OR4A16: variants seen among roughly 807,000 people sequenced by gnomAD.
OR4A16 encodes olfactory receptor 4A16.
For synonymous variants in OR4A16, 210 were observed against 138.6 expected, an observed-to-expected ratio of 1.51 and a Z score of -3.62; for missense variants, 594 against 390.9, an observed-to-expected ratio of 1.52 and a Z score of -4.38.
In OR4A16 at chr11:55,343,401, G is replaced by A. The variant is rs200261293; in HGVS notation, c.201G>A (p.Met67Ile). The change falls in exon 1 of 1, where the codon ATG (methionine) becomes ATA (isoleucine). Residue 67 changes from methionine (M) to isoleucine (I), a missense_variant. By Grantham distance (10) the Met-to-Ile change is conservative (BLOSUM62 1). Transcript: ENST00000314721. ...TCTTCCTTGCCTACTTGTCACTTATGGATGCCATATATTCCACTGCCATGT... is the reference window on the plus strand; with the variant it reads ...TCTTCCTTGCCTACTTGTCACTTATAGATGCCATATATTCCACTGCCATGT... ...MYFFLAYLSLMDAIYSTAMSP... is the reference protein window; with the variant it reads ...MYFFLAYLSLIDAIYSTAMSP... 0.012 allele frequency: 18,083 copies of A among 1,546,162 alleles called. No individual in the cohort carries two copies. The highest frequency in any genetic ancestry group is 0.034 in the African/African-American group (2,446 of 72,520).
Position 55,343,874 on chromosome 11 carries a change from C to T in OR4A16, c.674C>T (p.Thr225Ile), listed in dbSNP as rs756483302. The T allele has an allele frequency of 6.2e-7, 1 of 1,613,722 alleles. No individual in the cohort carries two copies. Among genetic ancestry groups the T allele is most frequent in the East Asian group, 2.2e-5 (1 of 44,794 alleles). The change falls in exon 1 of 1, where the codon ACT becomes ATT. Residue 225 changes from threonine to isoleucine, a missense_variant. By Grantham distance (89) the Thr-to-Ile change is moderately conservative (BLOSUM62 -1). Transcript: ENST00000314721. ...SCGVILNFLK[T>I]YSQEERHKAL... The stretch of plus-strand genomic sequence containing the variant: ...GGAGTCATCCTAAACTTCCTTAAAA[C>T]TTACAGTCAGGAAGAGAGGCATAAA...
chr11:55,343,822 A>T lies in OR4A16; in HGVS notation c.622A>T (p.Ile208Phe), dbSNP rs79376849. ...VANGGIICMVIFTFLLISCGV... is the reference protein window; with the variant it reads ...VANGGIICMVFFTFLLISCGV... ...CAATGGTGGAATAATTTGTATGGTC[A>T]TCTTTACCTTTCTGCTAATCTCCTG... is the stretch of plus-strand genomic sequence containing the variant. The change falls in exon 1 of 1, where the codon ATC (isoleucine) becomes TTC (phenylalanine). Residue 208 changes from isoleucine (I) to phenylalanine (F), a missense_variant. Physicochemically the swap from Ile to Phe is conservative, Grantham distance 21. Coordinates refer to ENST00000314721, the MANE Select transcript of OR4A16 (RefSeq NM_001005274.1). The T allele has an allele frequency of 2.4e-5, 38 of 1,607,508 alleles. No individual in the cohort carries two copies. The highest frequency in any genetic ancestry group is 3.1e-5 in the Non-Finnish European group (37 of 1,175,876).
Position 55,344,134 on chromosome 11 carries a change from T to C in OR4A16, c.934T>C (p.Ser312Pro), listed in dbSNP as rs760783441. ...GTTAAGTATAGTTAGAAAAAGAGTA[T>C]CTCCCACACTGAACATATTTATTCC... ...EKLSIVRKRV[S>P]PTLNIFIPSS... Residue 312 changes from serine to proline, a missense_variant, in exon 1 of 1, where the codon TCT becomes CCT. Physicochemically the swap from Ser to Pro is moderately conservative, Grantham distance 74. Coordinates refer to ENST00000314721, the MANE Select transcript of OR4A16 (RefSeq NM_001005274.1). 4 of 1,603,928 alleles carry C rather than the reference T, an allele frequency of 2.5e-6. No homozygotes were observed. The South Asian group carries it at 3.3e-5, about 13-fold the overall frequency.
At position 55,343,972 on chromosome 11, in the gene OR4A16, A is replaced by G. The variant is rs2119860504; in HGVS notation, c.772A>G (p.Arg258Gly). 1 of 1,613,722 alleles carries G rather than the reference A, an allele frequency of 6.2e-7. No homozygotes were observed. The highest frequency in any genetic ancestry group is 8.5e-7 in the Non-Finnish European group (1 of 1,179,818). Residue 258 changes from arginine (R) to glycine (G), a missense_variant, in exon 1 of 1, where the codon AGA becomes GGA. Transcript: ENST00000314721. ...TGTTCCCTGTATTTTTATGTATGTT[A>G]GACCCGTTTCCAACTTTCCCTTTGA... ...VFVPCIFMYV[R>G]PVSNFPFDKL...
In OR4A16 at chr11:55,343,706, C is replaced by A. The variant is rs201815036; in HGVS notation, c.506C>A (p.Pro169His). Residue 169 changes from proline to histidine, a missense_variant, in exon 1 of 1, where the codon CCC becomes CAC. Pro to His is a moderately conservative substitution (Grantham distance 77). Coordinates refer to ENST00000314721, the MANE Select transcript of OR4A16 (RefSeq NM_001005274.1). ...CTGTACAGTCTACCAATCTGTGGCCCCAATGTTATTGACCACTCTGTCTGT... is the reference window on the plus strand; with the variant it reads ...CTGTACAGTCTACCAATCTGTGGCCACAATGTTATTGACCACTCTGTCTGT... ...VFLYSLPICG[P>H]NVIDHSVCDM... 1.9e-6 allele frequency: 3 copies of A among 1,613,866 alleles called. No individual in the cohort carries two copies. In the East Asian group the frequency reaches 6.7e-5, roughly 36 times the overall value.
Position 55,343,690 on chromosome 11 carries a change from C to G in OR4A16, c.490C>G (p.Leu164Val). The G allele has an allele frequency of 1.9e-6, 3 of 1,613,940 alleles. No homozygotes were observed. Among genetic ancestry groups the G allele is most frequent in the Admixed American group, 3.3e-5 (2 of 59,990 alleles). The change falls in exon 1 of 1, where the codon CTA becomes GTA. Residue 164 changes from leucine to valine, a missense_variant. Physicochemically the swap from Leu to Val is conservative, Grantham distance 32. Coordinates refer to ENST00000314721, the MANE Select transcript of OR4A16 (RefSeq NM_001005274.1). ...GGTTCAAATTGTCTTTCTGTACAGT[C>G]TACCAATCTGTGGCCCCAATGTTAT... is the stretch of plus-strand genomic sequence containing the variant. ...SVVQIVFLYS[L>V]PICGPNVIDH...
chr11:55,343,430 C>T lies in OR4A16; in HGVS notation c.230C>T (p.Pro77Leu). Residue 77 changes from proline to leucine, a missense_variant, in exon 1 of 1, where the codon CCC becomes CTC. Transcript: ENST00000314721. Reference protein sequence around the residue: ...MDAIYSTAMSPKLMIDLLCDK... With the variant: ...MDAIYSTAMSLKLMIDLLCDK... The stretch of plus-strand genomic sequence containing the variant: ...GCCATATATTCCACTGCCATGTCAC[C>T]CAAATTGATGATAGACTTACTCTGT... 1.2e-6 allele frequency: 2 copies of T among 1,613,856 alleles called. No homozygotes were observed. The highest frequency in any genetic ancestry group is 1.1e-5 in the South Asian group (1 of 91,074).
Position 55,343,230 on chromosome 11 carries a change from T to A in OR4A16, c.30T>A (p.Phe10Leu). 6.2e-7 allele frequency: 1 copy of A among 1,607,698 alleles called. No individual in the cohort carries two copies. Among genetic ancestry groups the A allele is most frequent in the Non-Finnish European group, 8.5e-7 (1 of 1,177,016 alleles). Residue 10 changes from phenylalanine to leucine, a missense_variant, in exon 1 of 1, where the codon TTT becomes TTA. By Grantham distance (22) the Phe-to-Leu change is conservative (BLOSUM62 0). Coordinates refer to ENST00000314721, the MANE Select transcript of OR4A16 (RefSeq NM_001005274.1). The part of the protein sequence containing the change: MRPSSNVTE[F>L]VLLGLTQDPD... Reference sequence around the variant, plus strand: ...GACCAAGCAGCAATGTTACAGAATTTGTCCTCCTGGGCCTCACTCAAGATC... The same window carrying A: ...GACCAAGCAGCAATGTTACAGAATTAGTCCTCCTGGGCCTCACTCAAGATC...
chr11:55,343,550 C>A lies in OR4A16; in HGVS notation c.350C>A (p.Ala117Asp). ...GAEVFLLVVM[A>D]YDRYVAISKP... ...GAGGTCTTCCTTTTGGTGGTGATGG[C>A]CTATGATCGCTATGTGGCTATCTCT... The change falls in exon 1 of 1, where the codon GCC becomes GAC. Residue 117 changes from alanine (A) to aspartate (D), a missense_variant. Coordinates refer to ENST00000314721, the MANE Select transcript of OR4A16 (RefSeq NM_001005274.1). 6.2e-7 allele frequency: 1 copy of A among 1,613,914 alleles called. No individual in the cohort carries two copies. Among genetic ancestry groups the A allele is most frequent in the Non-Finnish European group, 8.5e-7 (1 of 1,179,898 alleles).
At position 55,343,415 on chromosome 11, in the gene OR4A16, C is replaced by T. The variant is rs371963500; in HGVS notation, c.215C>T (p.Ser72Phe). 1.9e-6 allele frequency: 3 copies of T among 1,613,874 alleles called. No individual in the cohort carries two copies. The highest frequency in any genetic ancestry group is 2.5e-6 in the Non-Finnish European group (3 of 1,179,858). The part of the protein sequence containing the change: ...AYLSLMDAIY[S>F]TAMSPKLMID... The stretch of plus-strand genomic sequence containing the variant: ...TTGTCACTTATGGATGCCATATATT[C>T]CACTGCCATGTCACCCAAATTGATG... The change falls in exon 1 of 1, where the codon TCC becomes TTC. Residue 72 changes from serine to phenylalanine, a missense_variant. Physicochemically the swap from Ser to Phe is radical, Grantham distance 155 (BLOSUM62 -2). Coordinates refer to ENST00000314721, the MANE Select transcript of OR4A16 (RefSeq NM_001005274.1).
At position 55,343,475 on chromosome 11, in the gene OR4A16, T is replaced by G. The variant is rs1853455702; in HGVS notation, c.275T>G (p.Leu92Trp). The G allele has an allele frequency of 6.2e-7, 1 of 1,613,802 alleles. No individual in the cohort carries two copies. The change falls in exon 1 of 1, where the codon TTG becomes TGG. Residue 92 changes from leucine to tryptophan, a missense_variant. Leu to Trp is a moderately conservative substitution (Grantham distance 61). Transcript: ENST00000314721. ...DLLCDKIAIS[L>W]SACMGQLFIE... ...CTCTGTGATAAAATCGCTATTTCCT[T>G]GTCAGCTTGCATGGGTCAGCTCTTC...
In OR4A16 at chr11:55,343,941, C is replaced by T. The variant is rs1346457574; in HGVS notation, c.741C>T (p.Leu247=). 2.5e-6 allele frequency: 4 copies of T among 1,613,772 alleles called. No homozygotes were observed. Among genetic ancestry groups the T allele is most frequent in the Non-Finnish European group, 3.4e-6 (4 of 1,179,890 alleles). ...TCISHIIVVA[L]VFVPCIFMYV... ...TCTCCCACATCATTGTGGTTGCCCT[C>T]GTTTTTGTTCCCTGTATTTTTATGT... The change falls in exon 1 of 1, where the codon CTC becomes CTT. Residue 247 remains leucine (L), a synonymous_variant. Transcript: ENST00000314721.
At position 55,343,569 on chromosome 11, in the gene OR4A16, T is replaced by G. The variant is rs79540892; in HGVS notation, c.369T>G (p.Ala123=). 4 of 1,604,372 alleles carry G rather than the reference T, an allele frequency of 2.5e-6. No individual in the cohort carries two copies. The East Asian group carries it at 6.7e-5, about 27-fold the overall frequency. ...TGATGGCCTATGATCGCTATGTGGC[T>G]ATCTCTAAGCCGCTGCACTATTTGA... ...LVVMAYDRYV[A]ISKPLHYLNI... The change falls in exon 1 of 1, where the codon GCT becomes GCG. Residue 123 remains alanine (A), a synonymous_variant. Coordinates refer to ENST00000314721, the MANE Select transcript of OR4A16 (RefSeq NM_001005274.1).
In OR4A16 at chr11:55,344,168, A is replaced by C; in HGVS notation, c.968A>C (p.Lys323Thr). 6.3e-7 allele frequency: 1 copy of C among 1,585,854 alleles called. No individual in the cohort carries two copies. Among genetic ancestry groups the C allele is most frequent in the Non-Finnish European group, 8.5e-7 (1 of 1,172,740 alleles). ...PTLNIFIPSS[K>T]ATNRR ...CTGAACATATTTATTCCTAGTTCTA[A>C]GGCAACAAATAGGCGGTAAAATACT... Residue 323 changes from lysine to threonine, a missense_variant, in exon 1 of 1, where the codon AAG becomes ACG. By Grantham distance (78) the Lys-to-Thr change is moderately conservative. Coordinates refer to ENST00000314721, the MANE Select transcript of OR4A16 (RefSeq NM_001005274.1).
rs142852989 is a variant in OR4A16 at position 55,343,454 on chromosome 11, G to C, written c.254G>C (p.Cys85Ser). The part of the protein sequence containing the change: ...MSPKLMIDLL[C>S]DKIAISLSAC... The stretch of plus-strand genomic sequence containing the variant: ...CCCAAATTGATGATAGACTTACTCT[G>C]TGATAAAATCGCTATTTCCTTGTCA... Residue 85 changes from cysteine (C) to serine (S), a missense_variant, in exon 1 of 1, where the codon TGT becomes TCT. Physicochemically the swap from Cys to Ser is moderately radical, Grantham distance 112 (BLOSUM62 -1). Transcript: ENST00000314721. 1 of 1,601,944 alleles carries C rather than the reference G, an allele frequency of 6.2e-7. No individual in the cohort carries two copies. Among genetic ancestry groups the C allele is most frequent in the Non-Finnish European group, 8.6e-7 (1 of 1,169,478 alleles).
In OR4A16 at chr11:55,343,523, C is replaced by A. The variant is rs772112660; in HGVS notation, c.323C>A (p.Ala108Glu). The A allele has an allele frequency of 1.2e-6, 2 of 1,613,910 alleles. No individual in the cohort carries two copies. The highest frequency in any genetic ancestry group is 1.7e-6 in the Non-Finnish European group (2 of 1,179,884). Residue 108 changes from alanine (A) to glutamate (E), a missense_variant, in exon 1 of 1, where the codon GCA (alanine) becomes GAA (glutamate). Ala to Glu is a moderately radical substitution (Grantham distance 107). Transcript: ENST00000314721. ...QLFIEHLLGG[A>E]EVFLLVVMAY... ...TTCATAGAACACTTACTTGGTGGTG[C>A]AGAGGTCTTCCTTTTGGTGGTGATG...
chr11:55,343,902 C>A lies in OR4A16; in HGVS notation c.702C>A (p.Ala234=), dbSNP rs556673264. Residue 234 remains alanine (A), a synonymous_variant, in exon 1 of 1, where the codon GCC becomes GCA. Transcript: ENST00000314721. ...ACAGTCAGGAAGAGAGGCATAAAGC[C>A]CTGCCTACCTGCATCTCCCACATCA... ...KTYSQEERHK[A]LPTCISHIIV... is the part of the protein sequence containing the mutation. The A allele has an allele frequency of 6.2e-7, 1 of 1,613,606 alleles. No homozygotes were observed. The highest frequency in any genetic ancestry group is 8.5e-7 in the Non-Finnish European group (1 of 1,179,898).
In OR4A16 at chr11:55,343,924, A is replaced by T. The variant is rs1853468383; in HGVS notation, c.724A>T (p.Ile242Phe). The T allele has an allele frequency of 1.9e-6, 3 of 1,613,708 alleles. No individual in the cohort carries two copies. The highest frequency in any genetic ancestry group is 2.5e-6 in the Non-Finnish European group (3 of 1,179,900). Residue 242 changes from isoleucine (I) to phenylalanine (F), a missense_variant, in exon 1 of 1, where the codon ATC becomes TTC. Transcript: ENST00000314721. ...HKALPTCISH[I>F]IVVALVFVPC... The stretch of plus-strand genomic sequence containing the variant: ...AGCCCTGCCTACCTGCATCTCCCAC[A>T]TCATTGTGGTTGCCCTCGTTTTTGT...
chr11:55,343,437 G>A lies in OR4A16; in HGVS notation c.237G>A (p.Leu79=), dbSNP rs142044895. ...AIYSTAMSPK[L]MIDLLCDKIA... is the part of the protein sequence containing the mutation. ...ATTCCACTGCCATGTCACCCAAATTGATGATAGACTTACTCTGTGATAAAA... is the reference window on the plus strand; with the variant it reads ...ATTCCACTGCCATGTCACCCAAATTAATGATAGACTTACTCTGTGATAAAA... Residue 79 remains leucine (L), a synonymous_variant, in exon 1 of 1, where the codon TTG becomes TTA. Transcript: ENST00000314721. 1 of 1,613,856 alleles carries A rather than the reference G, an allele frequency of 6.2e-7. No individual in the cohort carries two copies. The highest frequency in any genetic ancestry group is 8.5e-7 in the Non-Finnish European group (1 of 1,179,888).
Sources: gnomAD v4.1 joint callset for allele counts on GRCh38, gnomAD v4.1.1 for gene constraint, MANE v1.5 for transcripts, NCBI Gene and HGNC (gene_info 2026-07-23, HGNC 2026-07-21) for gene names.